Variants in CHST10 observed in about 807,000 individuals in gnomAD.
CHST10 encodes the protein HNK-1 sulfotransferase.
Under a neutral mutation model 34.7 loss-of-function variants are expected in CHST10, and 24 were observed. The ratio of observed to expected loss-of-function variants is 0.69; its 90% CI spans 0.50 to 0.97. The LOEUF (loss-of-function observed/expected upper bound fraction) is 0.97. Among genes scored for constraint, CHST10 ranks in the 50% least tolerant of loss-of-function variants. CHST10 has a pLI of 0.00. For synonymous variants in CHST10, 161 were observed against 169.3 expected (o/e 0.95, Z 0.38); for missense variants, 402 against 452.1 (o/e 0.89, Z 1.00).
chr2:100,404,392 C>A (rs1440871083), intron 3 of CHST10, among the ~76,000 whole-genome samples: 1 of 152,204 alleles, frequency 6.6e-6, no homozygotes. Context: ...CGCCTGAAGG[C>A]AGCCGGCTGG....
In CHST10 at chr2:100,393,154, T is replaced by G. The variant is rs1573166558; in HGVS notation, c.*91A>C. 7.2e-7 allele frequency: 1 copy of G among 1,381,966 alleles called. No individual in the cohort carries two copies. Among genetic ancestry groups the G allele is most frequent in the Admixed American group, 1.9e-5 (1 of 51,488 alleles). 85.6% of individuals were successfully genotyped at this position (1,381,966 alleles called of 1,614,324 possible). On this transcript the variant is annotated 3_prime_UTR_variant, in exon 7 of 7. Coordinates refer to ENST00000264249, the MANE Select transcript of CHST10 (RefSeq NM_004854.5). ...ACCCCGGGCGTCCTCAAAGGAGGGG[T>G]GTGGTGGAGGAAGGGTCATTTCTGG...
intron 3 of CHST10, among the ~76,000 whole-genome samples, chr2:100,403,016 G>A (rs1346621032): frequency 2.0e-5 from 3 of 152,174 alleles, no homozygotes; most frequent in Non-Finnish European, 2.9e-5. Context: ...GCTCCAGATA[G>A]GGAAAAAATA....
chr2:100,402,510 G>A lies in CHST10; in HGVS notation c.192+54C>T, dbSNP rs935507728. ...AGCCACAGGGGAAGGCCAGCTCCCC[G>A]CGACAAGGGTGCCGTGTTCAAGAGG... On this transcript the variant is annotated intron_variant, in intron 4 of 6. Transcript: ENST00000264249. 43 of 1,490,024 alleles carry A rather than the reference G, an allele frequency of 2.9e-5. No homozygotes were observed. The African/African-American group carries it at 4.3e-4, about 15-fold the overall frequency. 92.3% of individuals were successfully genotyped at this position (1,490,024 alleles called of 1,614,324 possible).
chr2:100,406,799 T>C (rs4149511), intron 2 of CHST10, 92 bp from the exon 3 acceptor site: 5 of 1,505,090 alleles, frequency 3.3e-6, no homozygotes, highest in Non-Finnish European at 4.5e-6. Flanking sequence ...AGTCAGTAAG[T>C]ATCAGCACAA....
chr2:100,417,133 T>TA, intron 1 of CHST10: 1 of 1,102,808 alleles, frequency 9.1e-7, no homozygotes, highest in Non-Finnish European at 1.2e-6. Flanking sequence ...GCTCGCACAA[T>TA]ATCAATAATT....
chr2:100,398,195 C>G lies in CHST10; in HGVS notation c.193-53G>C, dbSNP rs111352916. ...CCAGGGACCATTAAAGGAGGCAGGA[C>G]CGGGCCAAGCAGAGCCGCTCCTGCT... is the stretch of plus-strand genomic sequence containing the variant. On this transcript the variant is annotated intron_variant, in intron 4 of 6. Coordinates refer to ENST00000264249, the MANE Select transcript of CHST10 (RefSeq NM_004854.5). The G allele has an allele frequency of 1.6e-4, 225 of 1,364,680 alleles. No homozygotes were observed. The African/African-American group carries it at 2.8e-3, about 17-fold the overall frequency. The allele number at this position is 1,364,680 out of a possible 1,614,324, so 84.5% of individuals were successfully genotyped here.
chr2:100,402,535 G>A (rs1273435906), intron 4 of CHST10, 29 bp downstream of exon 4: 1 of 1,593,738 alleles, frequency 6.3e-7, no homozygotes, highest in African/African-American at 1.3e-5. Flanking sequence ...TGTTCAAGAG[G>A]ACAAGGACCA....
intron 4 of CHST10, among the ~76,000 whole-genome samples, chr2:100,400,263 G>A (rs1386376852): frequency 6.6e-6 from 1 of 152,158 alleles, no homozygotes; most frequent in African/African-American, 2.4e-5. Context: ...TCTAAGAGAC[G>A]AGGTCTTGTT....
At chr2:100,406,181 A>T (rs921091209) in intron 3 of CHST10, among the ~76,000 whole-genome samples, 22 of 152,190 alleles carry the variant, frequency 1.4e-4, no homozygotes, top group Admixed American at 5.2e-4. Context: ...CCACACGGGC[A>T]TGCCAAGCAG....
At chr2:100,396,491 T>C (rs1040234184) in intron 5 of CHST10, among the ~76,000 whole-genome samples, 1 of 152,228 alleles carries the variant, frequency 6.6e-6, no homozygotes, top group African/African-American at 2.4e-5. Flanking sequence ...ATTGGAGTCC[T>C]GGCAGGGAAG....
chr2:100,397,930 C>T lies in CHST10; in HGVS notation c.405G>A (p.Lys135=). The part of the protein sequence containing the change: ...QTPKVGNTQW[K]KVLIVLNGAF... ...CACCATTTAGAACAATCAGCACTTT[C>T]TTCCACTGGGTGTTGCCCACTTTGG... The change falls in exon 5 of 7, where the codon AAG becomes AAA. Residue 135 remains lysine, a synonymous_variant. Transcript: ENST00000264249. The T allele has an allele frequency of 6.2e-7, 1 of 1,613,494 alleles. No homozygotes were observed. The highest frequency in any genetic ancestry group is 8.5e-7 in the Non-Finnish European group (1 of 1,179,642).
chr2:100,396,291 C>T lies in CHST10; in HGVS notation c.428-677G>A, dbSNP rs189213715. On this transcript the variant is annotated intron_variant, in intron 5 of 6. Coordinates refer to ENST00000264249, the MANE Select transcript of CHST10 (RefSeq NM_004854.5). ...CGTGCCAACAGCCAGGGTCTGTCAT[C>T]AGGGACCAGTGCAGGTCCAGGCTGC... 6.5e-4 allele frequency among the ~76,000 whole-genome samples: 99 copies of T among 152,366 alleles called. 1 individual carries two copies. Among genetic ancestry groups the T allele is most frequent in the African/African-American group, 2.2e-3 (91 of 41,588 alleles).
intron 2 of CHST10, among the ~76,000 whole-genome samples, chr2:100,410,636 C>A (rs900159344): frequency 6.6e-6 from 1 of 152,178 alleles, no homozygotes; most frequent in Non-Finnish European, 1.5e-5. Context: ...CAAAATATTT[C>A]TCTAGTCTCC....
rs1457797450 is a variant in CHST10, at chr2:100,406,584, T to C, written c.92A>G (p.Asp31Gly). Residue 31 changes from aspartate (D) to glycine (G), a missense_variant, in exon 3 of 7, where the codon GAC becomes GGC. Transcript: ENST00000264249. ...CCATGAAGCATACGTACCATCTGGG[T>C]CTTTAAAGGTCAACGTGATGAACTT... ...ASKFITLTFK[D>G]PDVYSAKQEF... 3 of 1,614,130 alleles carry C rather than the reference T, an allele frequency of 1.9e-6. No homozygotes were observed. The highest frequency in any genetic ancestry group is 1.7e-6 in the Non-Finnish European group (2 of 1,180,024).
chr2:100,409,103 C>T (rs1271800828), intron 2 of CHST10, among the ~76,000 whole-genome samples: 3 of 152,292 alleles, frequency 2.0e-5, no homozygotes, highest in Non-Finnish European at 1.5e-5. Flanking sequence ...GAGCATGTGG[C>T]GGGAGGACCT....
chr2:100,398,027 G>C lies in CHST10; in HGVS notation c.308C>G (p.Thr103Ser). ...GTCCAGGACAAACTTGGAGACAGGAGTGTGCGAGAGATTCTTCAGGGCATC... is the reference window on the plus strand; with the variant it reads ...GTCCAGGACAAACTTGGAGACAGGACTGTGCGAGAGATTCTTCAGGGCATC... Reference protein sequence around the residue: ...RDDALKNLSHTPVSKFVLDRI... With the variant: ...RDDALKNLSHSPVSKFVLDRI... The change falls in exon 5 of 7, where the codon ACT (threonine) becomes AGT (serine). Residue 103 changes from threonine to serine, a missense_variant. Thr to Ser is a moderately conservative substitution (Grantham distance 58). Transcript: ENST00000264249. 1.2e-6 allele frequency: 2 copies of C among 1,614,204 alleles called. No individual in the cohort carries two copies. The highest frequency in any genetic ancestry group is 1.7e-6 in the Non-Finnish European group (2 of 1,180,028).
At chr2:100,416,695 A>AACAACG (rs558976302) in intron 1 of CHST10, 513 of 330,728 alleles carry the variant, frequency 1.6e-3, no homozygotes, top group African/African-American at 0.01. Flanking sequence ...ACAAAACAAC[A>AACAACG]ACAACAACAA....
chr2:100,403,300 G>A (rs1255186770), intron 3 of CHST10, among the ~76,000 whole-genome samples: 1 of 152,114 alleles, frequency 6.6e-6, no homozygotes. Context: ...ACACAAACCA[G>A]GTCCACAAGG....
chr2:100,393,239 T>C lies in CHST10; in HGVS notation c.*6A>G, dbSNP rs1286717941. The C allele has an allele frequency of 7.4e-6, 12 of 1,613,782 alleles. No individual in the cohort carries two copies. In the East Asian group the frequency reaches 1.6e-4, roughly 21 times the overall value. Reference sequence around the variant, plus strand: ...TAAAGATATTTGAATTCATAGGTCTTATGCATTAGTTTAGCAAAAAGTCTG... The same window carrying C: ...TAAAGATATTTGAATTCATAGGTCTCATGCATTAGTTTAGCAAAAAGTCTG... On this transcript the variant is annotated 3_prime_UTR_variant, in exon 7 of 7. Transcript: ENST00000264249.
Sources: gnomAD v4.1 joint callset for allele counts (sites outside exome capture counted in the v4.1 genomes callset) on GRCh38, gnomAD v4.1.1 for gene constraint, MANE v1.5 for transcripts, NCBI Gene and HGNC (gene_info 2026-07-23, HGNC 2026-07-21) for gene names.